SLC4A10: variants seen among roughly 807,000 people sequenced by gnomAD.
SLC4A10 encodes the protein solute carrier family 4 member 10, also known as sodium-driven chloride bicarbonate exchanger.
In SLC4A10, 42 loss-of-function variants were observed where a neutral mutation model predicts 137.7. The ratio of observed to expected loss-of-function variants is 0.30; its 90% confidence interval spans 0.24 to 0.39. SLC4A10 has a LOEUF of 0.39. SLC4A10 is among the 10% of genes least tolerant of loss of function. The pLI is 1.00. For missense variants in SLC4A10, 925 were observed against 1,355.0 expected (o/e 0.68, Z 4.98); for synonymous variants, 474 against 464.1 (o/e 1.02, Z -0.27).
At chr2:161,914,172 A>G (rs1218531910) in intron 15 of SLC4A10, among the ~76,000 whole-genome samples, 4 of 152,232 alleles carry the variant, frequency 2.6e-5, no homozygotes, top group Admixed American at 1.3e-4. Flanking sequence ...TATATGTGCA[A>G]TCTTGATAAT....
chr2:161,843,321 T>A (rs1045551815), intron 4 of SLC4A10, among the ~76,000 whole-genome samples: 1 of 152,322 alleles, frequency 6.6e-6, no homozygotes, highest in South Asian at 2.1e-4. Context: ...ATTAACTCAA[T>A]AACATGTTTG....
intron 15 of SLC4A10, among the ~76,000 whole-genome samples, chr2:161,931,798 G>T (rs1690443461): frequency 6.6e-6 from 1 of 152,094 alleles, no homozygotes; most frequent in Admixed American, 6.6e-5. Flanking sequence ...AATCTCTATT[G>T]TTGTTACCGT....
chr2:161,932,637 A>G (rs1328959307), intron 15 of SLC4A10, among the ~76,000 whole-genome samples: 2 of 152,180 alleles, frequency 1.3e-5, no homozygotes, highest in Admixed American at 6.6e-5. Flanking sequence ...GTGGATGATG[A>G]CATGGATTGG....
At chr2:161,657,793 A>G (rs564586076) in intron 1 of SLC4A10, among the ~76,000 whole-genome samples, 1 of 152,176 alleles carries the variant, frequency 6.6e-6, no homozygotes, top group Non-Finnish European at 1.5e-5. Flanking sequence ...ATATGCAATT[A>G]AAATAACAAT....
At chr2:161,947,995 T>C (rs547143286) in intron 17 of SLC4A10, among the ~76,000 whole-genome samples, 1 of 152,284 alleles carries the variant, frequency 6.6e-6, no homozygotes, top group African/African-American at 2.4e-5. Context: ...ACTGCATTAC[T>C]GATTGTCACT....
At chr2:161,848,070 G>T (rs2059610063) in intron 4 of SLC4A10, among the ~76,000 whole-genome samples, 1 of 152,120 alleles carries the variant, frequency 6.6e-6, no homozygotes, top group South Asian at 2.1e-4. Context: ...TAGCCATTCT[G>T]ACTGGTGTGT....
chr2:161,958,639 GC>G, intron 21 of SLC4A10, 84 bp downstream of exon 21: 1 of 936,604 alleles, frequency 1.1e-6, no homozygotes. Flanking sequence ...CTGAGAAAAT[GC>G]CACCACCTGA....
chr2:161,676,361 A>G (rs112577852), intron 1 of SLC4A10, among the ~76,000 whole-genome samples: 2 of 151,868 alleles, frequency 1.3e-5, no homozygotes, highest in Non-Finnish European at 2.9e-5. Flanking sequence ...AAATGCCTTT[A>G]AAATAATCTG....
At chr2:161,823,264 G>C (rs746819181) in intron 3 of SLC4A10, among the ~76,000 whole-genome samples, 1 of 152,176 alleles carries the variant, frequency 6.6e-6, no homozygotes, top group Admixed American at 6.6e-5. Context: ...AAAAAATGCA[G>C]TATTAAATCA....
intron 6 of SLC4A10, among the ~76,000 whole-genome samples, chr2:161,863,935 C>T (rs749528168): frequency 5.3e-5 from 8 of 152,138 alleles, no homozygotes; most frequent in Non-Finnish European, 1.2e-4. Context: ...GGCGCAGTGG[C>T]TCACTCCTGT....
intron 2 of SLC4A10, among the ~76,000 whole-genome samples, chr2:161,784,571 G>A (rs1011524282): frequency 8.5e-4 from 129 of 151,778 alleles, no homozygotes; most frequent in African/African-American, 3.0e-3. Context: ...AATGGAATGT[G>A]AAAGTAGAAA....
intron 15 of SLC4A10, among the ~76,000 whole-genome samples, chr2:161,938,394 C>T (rs1691980200): frequency 6.6e-6 from 1 of 152,050 alleles, no homozygotes; most frequent in Non-Finnish European, 1.5e-5. Flanking sequence ...TCCAATGCAG[C>T]AATTGAGTTC....
intron 1 of SLC4A10, among the ~76,000 whole-genome samples, chr2:161,684,017 G>A (rs960692245): frequency 3.3e-5 from 5 of 152,058 alleles, no homozygotes; most frequent in African/African-American, 4.8e-5. Flanking sequence ...CTGAAACTCC[G>A]TGTGTATTAA....
At chr2:161,802,392 C>T (rs1363639711) in intron 2 of SLC4A10, among the ~76,000 whole-genome samples, 5 of 151,712 alleles carry the variant, frequency 3.3e-5, no homozygotes, top group African/African-American at 9.7e-5. Flanking sequence ...TTCTTTTTTG[C>T]GTTTTATTGA....
rs2061862616 is a variant in SLC4A10 at position 161,882,342 on chromosome 2, T to C, written c.1107-15T>C. On this transcript the variant is annotated splice_polypyrimidine_tract_variant and intron_variant, in intron 9 of 26. Coordinates refer to ENST00000446997, the MANE Select transcript of SLC4A10 (RefSeq NM_001178015.2). ...TATTTCTACCTTAAAACATTTTTTT[T>C]CTTCTTAATTACAGATTTTTGTTCA... 6.8e-7 allele frequency: 1 copy of C among 1,480,734 alleles called. No individual in the cohort carries two copies. The highest frequency in any genetic ancestry group is 1.4e-5 in the African/African-American group (1 of 70,710). 91.7% of individuals were successfully genotyped at this position (1,480,734 alleles called of 1,614,324 possible).
rs755730225 is a variant in SLC4A10 at position 161,879,253 on chromosome 2, G to A, written c.1071G>A (p.Leu357=). The A allele has an allele frequency of 1.3e-5, 21 of 1,612,626 alleles. No homozygotes were observed. In the South Asian group the frequency reaches 2.3e-4, roughly 18 times the overall value. Residue 357 remains leucine, a synonymous_variant, in exon 9 of 27, where the codon TTG becomes TTA. Transcript: ENST00000446997. ...VAFVRLSPAV[L]LQGLAEVPIP... The stretch of plus-strand genomic sequence containing the variant: ...TTGTCAGGTTGTCTCCAGCTGTATT[G>A]CTTCAAGGACTGGCTGAAGTCCCAA...
At chr2:161,625,952 T>A (rs1042251470) in intron 1 of SLC4A10, among the ~76,000 whole-genome samples, 11 of 152,036 alleles carry the variant, frequency 7.2e-5, no homozygotes, top group African/African-American at 2.2e-4. Flanking sequence ...TAGAGATATT[T>A]CTTTGTGGCA....
At chr2:161,818,914 T>A (rs2057368714) in intron 3 of SLC4A10, among the ~76,000 whole-genome samples, 1 of 152,206 alleles carries the variant, frequency 6.6e-6, no homozygotes, top group African/African-American at 2.4e-5. Context: ...TCAATATTCA[T>A]CAAGGATATT....
chr2:161,856,232 T>A (rs2060089559), intron 5 of SLC4A10, among the ~76,000 whole-genome samples: 2 of 152,060 alleles, frequency 1.3e-5, no homozygotes, highest in South Asian at 4.1e-4. Context: ...ATGGCACATT[T>A]ATCACCTTAA....
Sources: allele counts gnomAD v4.1 joint callset (sites outside exome capture counted in the v4.1 genomes callset), GRCh38; gene constraint gnomAD v4.1.1; transcripts MANE v1.5; gene names NCBI Gene and HGNC (gene_info 2026-07-23, HGNC 2026-07-21).